Variants in DCC observed in about 807,000 individuals in gnomAD.
The protein encoded by DCC is DCC netrin 1 receptor, also known as netrin receptor DCC.
In DCC, 58 loss-of-function variants were observed where a neutral mutation model predicts 172.5. That is an observed-to-expected ratio of 0.34 (90% CI 0.27 to 0.42). The LOEUF (loss-of-function observed/expected upper bound fraction) is 0.42, where lower values mean the gene tolerates loss of function less well. DCC is among the 10% of genes least tolerant of loss of function. The probability of loss-of-function intolerance (pLI) is 1.00; values close to 1 mark genes in which losing one functional copy is unlikely to be tolerated. For missense variants in DCC, 1,740 were observed against 1,791.0 expected, an observed-to-expected ratio of 0.97 and a Z score of 0.51; for synonymous variants, 709 against 644.5, an observed-to-expected ratio of 1.10 and a Z score of -1.52.
At chr18:52,608,213 T>C (rs1269805949) in intron 1 of DCC, among the ~76,000 whole-genome samples, 1 of 152,154 alleles carries the variant, frequency 6.6e-6, no homozygotes, top group African/African-American at 2.4e-5. Context: ...TTTTAAGTAG[T>C]AGGAGTTCCG....
chr18:52,760,926 C>G (rs951038554), intron 2 of DCC, among the ~76,000 whole-genome samples: 1 of 152,110 alleles, frequency 6.6e-6, no homozygotes, highest in Non-Finnish European at 1.5e-5. Context: ...GTAATGAATA[C>G]AGTTAGTGAA....
intron 1 of DCC, among the ~76,000 whole-genome samples, chr18:52,741,318 A>T (rs1160295231): frequency 1.3e-5 from 2 of 152,194 alleles, no homozygotes; most frequent in East Asian, 3.9e-4. Flanking sequence ...AATAGCCTCC[A>T]ATCTAGTTTC....
At chr18:52,543,688 G>A (rs2032529410) in intron 1 of DCC, among the ~76,000 whole-genome samples, 1 of 152,120 alleles carries the variant, frequency 6.6e-6, no homozygotes, top group African/African-American at 2.4e-5. Flanking sequence ...CTCGTATGAA[G>A]TATAAAACAG....
intron 5 of DCC, among the ~76,000 whole-genome samples, chr18:53,034,321 A>T (rs969587396): frequency 6.6e-6 from 1 of 151,926 alleles, no homozygotes; most frequent in Non-Finnish European, 1.5e-5. Flanking sequence ...TTCTCTTCAC[A>T]GCCTCCTTAT....
At chr18:52,384,737 G>A (rs1598880016) in intron 1 of DCC, among the ~76,000 whole-genome samples, 1 of 152,236 alleles carries the variant, frequency 6.6e-6, no homozygotes, top group East Asian at 1.9e-4. Context: ...TGGACAATTA[G>A]CAGAATTGCA....
chr18:53,415,981 A>C, intron 20 of DCC, 143 bp from the exon 21 acceptor site: 1 of 694,800 alleles, frequency 1.4e-6, no homozygotes, highest in Non-Finnish European at 2.6e-6. Context: ...TAAACATGTA[A>C]GTTTGGGTCC....
intron 5 of DCC, among the ~76,000 whole-genome samples, chr18:52,963,250 T>C (rs1255059381): frequency 2.0e-5 from 3 of 151,862 alleles, no homozygotes; most frequent in African/African-American, 7.2e-5. Flanking sequence ...TCTTTAAGTA[T>C]TTTTATTTCT....
chr18:53,305,530 T>G, intron 12 of DCC, 48 bp from the exon 13 acceptor site: 1 of 1,515,060 alleles, frequency 6.6e-7, no homozygotes, highest in Non-Finnish European at 9.2e-7. Flanking sequence ...CCCTGTCCCA[T>G]TGTCCTTTCT....
At chr18:53,140,987 G>A (rs2043821733) in intron 7 of DCC, among the ~76,000 whole-genome samples, 1 of 152,034 alleles carries the variant, frequency 6.6e-6, no homozygotes, top group Non-Finnish European at 1.5e-5. Flanking sequence ...GGCACAAGAA[G>A]TTCCTCAATA....
chr18:53,012,670 G>A (rs1032156918), intron 5 of DCC, among the ~76,000 whole-genome samples: 7 of 152,046 alleles, frequency 4.6e-5, no homozygotes, highest in Admixed American at 1.3e-4. Flanking sequence ...TTTGCCAAAT[G>A]TAAATTATGT....
At chr18:53,477,767 TTATATG>T (rs1176841930) in intron 25 of DCC, among the ~76,000 whole-genome samples, 7 of 152,146 alleles carry the variant, frequency 4.6e-5, no homozygotes, top group Admixed American at 1.3e-4. Context: ...GTTGAAAATA[TTATATG>T]GCATATGCTA....
At chr18:52,725,253 C>A (rs1056040470) in intron 1 of DCC, among the ~76,000 whole-genome samples, 6 of 152,182 alleles carry the variant, frequency 3.9e-5, no homozygotes, top group African/African-American at 1.4e-4. Flanking sequence ...AGGGTCAGAG[C>A]ACTGCTGAGA....
At chr18:53,069,521 G>A (rs898591015) in intron 7 of DCC, among the ~76,000 whole-genome samples, 1 of 151,876 alleles carries the variant, frequency 6.6e-6, no homozygotes, top group Non-Finnish European at 1.5e-5. Context: ...GGTGGCGCAG[G>A]TCAGCCAGAG....
chr18:53,210,319 T>C (rs1381787322), intron 11 of DCC, among the ~76,000 whole-genome samples: 1 of 152,212 alleles, frequency 6.6e-6, no homozygotes, highest in Non-Finnish European at 1.5e-5. Context: ...GGAGCACTCT[T>C]CTTCGTTAAC....
intron 1 of DCC, among the ~76,000 whole-genome samples, chr18:52,723,213 CTAAT>C (rs1468951123): frequency 6.6e-6 from 1 of 152,156 alleles, no homozygotes; most frequent in African/African-American, 2.4e-5. Flanking sequence ...TCTTTTTGCT[CTAAT>C]TCTTAGGCTG....
intron 1 of DCC, among the ~76,000 whole-genome samples, chr18:52,485,350 C>T (rs1173747508): frequency 6.6e-6 from 1 of 152,096 alleles, no homozygotes; most frequent in Admixed American, 6.6e-5. Flanking sequence ...GATTAATAAT[C>T]ACTTTACAGC....
At chr18:52,955,675 A>G (rs1231466414) in intron 5 of DCC, among the ~76,000 whole-genome samples, 1 of 152,152 alleles carries the variant, frequency 6.6e-6, no homozygotes, top group Admixed American at 6.6e-5. Context: ...ATAATGAATA[A>G]GAGTTCCTCT....
intron 1 of DCC, among the ~76,000 whole-genome samples, chr18:52,643,554 G>A (rs1489935834): frequency 1.3e-5 from 2 of 151,992 alleles, no homozygotes; most frequent in African/African-American, 4.8e-5. Context: ...GCTAATTATG[G>A]TCCCAAGCTC....
chr18:53,502,528 TA>T (rs1187189987), intron 27 of DCC, among the ~76,000 whole-genome samples: 7 of 152,182 alleles, frequency 4.6e-5, no homozygotes, highest in Admixed American at 4.6e-4. Context: ...AAAGATGAAA[TA>T]CTTAGAGCTT....
Sources: allele counts gnomAD v4.1 joint callset (sites outside exome capture counted in the v4.1 genomes callset), GRCh38; gene constraint gnomAD v4.1.1; transcripts MANE v1.5; gene names NCBI Gene and HGNC (gene_info 2026-07-23, HGNC 2026-07-21).